The following EIF4G3 variants were observed in gnomAD, a reference collection of about 807,000 sequenced individuals.
EIF4G3 encodes eukaryotic translation initiation factor 4 gamma 3.
Under a neutral mutation model 186.4 loss-of-function variants are expected in EIF4G3, and 34 were observed. That is an observed-to-expected ratio of 0.18 (90% confidence interval 0.14 to 0.24). The LOEUF is 0.24. Among genes scored for constraint, EIF4G3 ranks in the 10% least tolerant of loss-of-function variants. The pLI, the probability that EIF4G3 is intolerant of heterozygous loss-of-function variation, is 1.00. For missense variants in EIF4G3, 1,536 were observed against 1,948.5 expected, an observed-to-expected ratio of 0.79 and a Z score of 3.99; for synonymous variants, 673 against 679.5, an observed-to-expected ratio of 0.99 and a Z score of 0.15.
chr1:21,082,537 G>A (rs1040057923), intron 3 of EIF4G3, among the ~76,000 whole-genome samples: 20 of 152,084 alleles, frequency 1.3e-4, no homozygotes, highest in Non-Finnish European at 4.4e-5. Context: ...AGTGAGCCAA[G>A]AATGCATCAC....
intron 3 of EIF4G3, among the ~76,000 whole-genome samples, chr1:21,062,584 CAGATAT>C (rs2094978130): frequency 6.6e-6 from 1 of 152,020 alleles, no homozygotes; most frequent in African/African-American, 2.4e-5. Flanking sequence ...GATATAGATA[CAGATAT>C]AGATATACCT....
At chr1:20,809,963 A>G (rs1006561963) in intron 36 of EIF4G3, among the ~76,000 whole-genome samples, 70 of 152,068 alleles carry the variant, frequency 4.6e-4, no homozygotes, top group Non-Finnish European at 6.5e-4. Flanking sequence ...TCATACAAAC[A>G]TATAACAAAT....
intron 2 of EIF4G3, among the ~76,000 whole-genome samples, chr1:21,110,061 T>A (rs1164366546): frequency 6.6e-6 from 1 of 152,150 alleles, no homozygotes; most frequent in Non-Finnish European, 1.5e-5. Context: ...GTGCTAGGAT[T>A]ACAGGCATGA....
At chr1:21,059,516 T>A (rs1177913714) in intron 3 of EIF4G3, among the ~76,000 whole-genome samples, 1 of 151,004 alleles carries the variant, frequency 6.6e-6, no homozygotes, top group African/African-American at 2.4e-5. Flanking sequence ...TTGAATTCTG[T>A]TAATATCATT....
At chr1:20,981,295 C>G in intron 8 of EIF4G3, 68 bp from the exon 9 acceptor site, 1 of 1,015,722 alleles carries the variant, frequency 9.8e-7, no homozygotes, top group Non-Finnish European at 1.4e-6. Context: ...ATTTTACTGT[C>G]TCCTTTTCTT....
chr1:21,158,208 C>G (rs1171221971), intron 2 of EIF4G3, among the ~76,000 whole-genome samples: 2 of 134,534 alleles, frequency 1.5e-5, no homozygotes, highest in Non-Finnish European at 3.1e-5. Context: ...CAAGATCTCA[C>G]TCTGTCACCC....
intron 16 of EIF4G3, among the ~76,000 whole-genome samples, chr1:20,898,526 CA>C (rs1486379628): frequency 1.3e-5 from 2 of 152,042 alleles, no homozygotes; most frequent in Non-Finnish European, 2.9e-5. Flanking sequence ...AATAGACTGA[CA>C]TTTTTTATTA....
chr1:20,958,617 T>C (rs1187438258), intron 12 of EIF4G3, among the ~76,000 whole-genome samples: 2 of 152,162 alleles, frequency 1.3e-5, no homozygotes, highest in African/African-American at 4.8e-5. Context: ...CTATCACTGT[T>C]TGCAGATGAT....
intron 30 of EIF4G3, among the ~76,000 whole-genome samples, chr1:20,837,882 T>C (rs976804083): frequency 1.3e-5 from 2 of 152,150 alleles, no homozygotes; most frequent in Non-Finnish European, 2.9e-5. Flanking sequence ...GGCCTCTCCA[T>C]TTAGAATAAA....
chr1:20,991,211 A>G (rs1570526180), intron 7 of EIF4G3, among the ~76,000 whole-genome samples: 1 of 152,196 alleles, frequency 6.6e-6, no homozygotes, highest in East Asian at 1.9e-4. Flanking sequence ...CGGGATATGG[A>G]AGCCCTAGAG....
chr1:20,912,468 C>T (rs1005894893), intron 14 of EIF4G3, among the ~76,000 whole-genome samples: 1 of 152,090 alleles, frequency 6.6e-6, no homozygotes, highest in Non-Finnish European at 1.5e-5. Context: ...TGGAATACAA[C>T]ATAAACTCCC....
At chr1:20,955,115 TCAGGCAGA>T (rs2096371542) in intron 12 of EIF4G3, among the ~76,000 whole-genome samples, 3 of 151,812 alleles carry the variant, frequency 2.0e-5, no homozygotes, top group African/African-American at 7.3e-5. Flanking sequence ...CAGGCAGGAG[TCAGGCAGA>T]CAGGCCTTAC....
rs12088724 is a variant in EIF4G3 at position 20,844,333 on chromosome 1, T to C, written c.3889-3305A>G. 3.9e-3 allele frequency among the ~76,000 whole-genome samples: 595 copies of C among 152,348 alleles called. 5 individuals carry two copies. Among genetic ancestry groups the C allele is most frequent in the African/African-American group, 0.014 (568 of 41,578 alleles). On this transcript the variant is annotated intron_variant, in intron 29 of 36. Transcript: ENST00000602326. ...CTATTATTTTTTGACTTTTTAATAA[T>C]AGTCATTCTGACTGGTATTAGATGG... is the stretch of plus-strand genomic sequence containing the variant.
intron 3 of EIF4G3, among the ~76,000 whole-genome samples, chr1:21,083,485 C>G (rs1466111843): frequency 1.5e-5 from 2 of 129,618 alleles, no homozygotes. Flanking sequence ...GCCACACACA[C>G]ACTTTTTTTT....
chr1:20,847,038 A>C (rs774727213), intron 29 of EIF4G3, among the ~76,000 whole-genome samples: 1 of 152,206 alleles, frequency 6.6e-6, no homozygotes, highest in Non-Finnish European at 1.5e-5. Context: ...CTAATACCCC[A>C]AAGGTAATGA....
chr1:20,939,810 G>T (rs2095645289), intron 14 of EIF4G3, among the ~76,000 whole-genome samples: 1 of 149,754 alleles, frequency 6.7e-6, no homozygotes, highest in Non-Finnish European at 1.5e-5. Context: ...TCTTCGGAGG[G>T]CATTTACCTA....
chr1:20,982,929 T>A (rs2078621864), intron 7 of EIF4G3, among the ~76,000 whole-genome samples: 1 of 152,250 alleles, frequency 6.6e-6, no homozygotes, highest in South Asian at 2.1e-4. Context: ...AGGGCACTTA[T>A]AGCTCTAAAA....
chr1:21,108,238 G>A (rs1472348755), intron 2 of EIF4G3, among the ~76,000 whole-genome samples: 1 of 152,108 alleles, frequency 6.6e-6, no homozygotes, highest in African/African-American at 2.4e-5. Context: ...CATCTCTTAG[G>A]TAATATCCAT....
At chr1:20,814,519 A>C (rs2059956092) in intron 34 of EIF4G3, among the ~76,000 whole-genome samples, 1 of 152,122 alleles carries the variant, frequency 6.6e-6, no homozygotes, top group South Asian at 2.1e-4. Flanking sequence ...TACTCAATCT[A>C]TGAAAGAACA....
Sources: allele counts gnomAD v4.1 joint callset (sites outside exome capture counted in the v4.1 genomes callset), GRCh38; gene constraint gnomAD v4.1.1; transcripts MANE v1.5; gene names NCBI Gene and HGNC (gene_info 2026-07-23, HGNC 2026-07-21).